FAAP20: variants seen among roughly 807,000 people sequenced by gnomAD.
FAAP20 encodes FA core complex associated protein 20.
Under a neutral mutation model 16.2 loss-of-function variants are expected in FAAP20, and 12 were observed. That is an observed-to-expected ratio of 0.74 (90% CI 0.48 to 1.20). FAAP20 has a LOEUF of 1.20. FAAP20 is among the 50% of genes most tolerant of loss of function. The probability of loss-of-function intolerance (pLI) is 0.00; values close to 1 mark genes in which losing one functional copy is unlikely to be tolerated. For missense variants in FAAP20, 288 were observed against 245.8 expected (o/e 1.17, Z -1.15); for synonymous variants, 141 against 110.7 (o/e 1.27, Z -1.72).
chr1:2,204,797 C>T (rs939172919), upstream of FAAP20, among the ~76,000 whole-genome samples: 7 of 152,174 alleles, frequency 4.6e-5, no homozygotes, highest in Non-Finnish European at 8.8e-5. Flanking sequence ...TGGTTTCCTC[C>T]CGCCGCCGGC....
chr1:2,190,039 A>G lies in FAAP20; in HGVS notation c.471-258T>C, dbSNP rs1316919183. 8.3e-6 allele frequency: 5 copies of G among 600,400 alleles called. No individual in the cohort carries two copies. In the Admixed American group the frequency reaches 9.3e-5, roughly 11 times the overall value. The allele number at this position is 600,400 out of a possible 1,614,324, so 37.2% of individuals were successfully genotyped here. A position where few individuals can be genotyped will look rare whatever the true frequency, so the allele number is the denominator to read the frequency against. ...CTGGGGGTGGGGAAGCTGTGTCTCA[A>G]CAAGCCTCTCTATGGGATTCTGGCG... On this transcript the variant is annotated intron_variant, in intron 3 of 3. Transcript: ENST00000378546.
chr1:2,190,864 C>T (rs564300389), intron 3 of FAAP20: 5 of 186,986 alleles, frequency 2.7e-5, no homozygotes, highest in African/African-American at 4.6e-5. Flanking sequence ...GACCAGTCCA[C>T]GGCGCGCCGT....
chr1:2,196,207 G>A (rs1236383246), upstream of FAAP20, among the ~76,000 whole-genome samples: 1 of 152,182 alleles, frequency 6.6e-6, no homozygotes, highest in Non-Finnish European at 1.5e-5. This position sits in a 1 kb window ranked among gnomAD's most constrained non-coding sequence, Gnocchi z 4.5. Flanking sequence ...TCCTGGAAAT[G>A]TCACCATGGT....
downstream of FAAP20, among the ~76,000 whole-genome samples, chr1:2,209,027 G>A (rs1689363387): frequency 6.6e-6 from 1 of 152,222 alleles, no homozygotes; most frequent in African/African-American, 2.4e-5. Flanking sequence ...ACCCTGGCCT[G>A]TCAAGAGCCT....
downstream of FAAP20, chr1:2,184,769 AGCTGGTGACCCAGC>A (rs1030018495): frequency 6.7e-7 from 1 of 1,482,704 alleles, no homozygotes; most frequent in African/African-American, 1.4e-5. Context: ...CACCTTGGGC[AGCTGGTGACCCAGC>A]CTGCCCTTGA....
intron 3 of FAAP20, chr1:2,190,788 G>A: frequency 3.9e-6 from 1 of 259,538 alleles, no homozygotes; most frequent in South Asian, 3.9e-5. Flanking sequence ...AAGTCCACAG[G>A]ACACGTGTCC....
chr1:2,188,515 A>T (rs755584602), downstream of FAAP20, among the ~76,000 whole-genome samples: 1 of 152,088 alleles, frequency 6.6e-6, no homozygotes, highest in Admixed American at 6.6e-5. Flanking sequence ...GGAGCAAGGG[A>T]ACTCCCCAGG....
At chr1:2,185,592 C>T, downstream of FAAP20, 1 of 695,720 alleles carries the variant, frequency 1.4e-6, no homozygotes, top group Non-Finnish European at 2.7e-6. Flanking sequence ...CAGAGTGTGT[C>T]CCAGCCGCTG....
rs1163719891 is a variant in FAAP20 at position 2,194,728 on chromosome 1, G to A, written c.22C>T (p.Arg8Trp). 3 of 1,189,960 alleles carry A rather than the reference G, an allele frequency of 2.5e-6. No homozygotes were observed. The highest frequency in any genetic ancestry group is 3.9e-5 in the South Asian group (1 of 25,542). 73.7% of individuals were successfully genotyped at this position (1,189,960 alleles called of 1,614,324 possible). The change falls in exon 1 of 4, where the codon CGG (arginine) becomes TGG (tryptophan). Residue 8 changes from arginine (R) to tryptophan (W), a missense_variant. Arg to Trp is a moderately radical substitution (Grantham distance 101). Transcript: ENST00000378546. ...GGCCTCCGGCGGCTCAACCCCAGCCGCGGCCTCCGCGCCGCCTCCATCCAA... is the reference window on the plus strand; with the variant it reads ...GGCCTCCGGCGGCTCAACCCCAGCCACGGCCTCCGCGCCGCCTCCATCCAA... MEAARRPRLGLSRRRPRP... is the reference protein window; with the variant it reads MEAARRPWLGLSRRRPRP...
Position 2,191,902 on chromosome 1 carries a change from A to G in FAAP20, c.470+1737T>C, listed in dbSNP as rs574115165. ...CTGAAAATGCACAAAATGTCCAAAT[A>G]GGACCACAAGAAGATCTTAAAGACA... On this transcript the variant is annotated intron_variant, in intron 3 of 3. Transcript: ENST00000378546. 96 of 985,498 alleles carry G rather than the reference A, an allele frequency of 9.7e-5. No homozygotes were observed. The African/African-American group carries it at 1.6e-3, about 17-fold the overall frequency. 61.0% of individuals were successfully genotyped at this position (985,498 alleles called of 1,614,324 possible).
chr1:2,184,598 G>T, downstream of FAAP20: 1 of 1,613,862 alleles, frequency 6.2e-7, no homozygotes, highest in Non-Finnish European at 8.5e-7. Flanking sequence ...GAAGAAGCAG[G>T]CGCTCCCTCC....
At chr1:2,184,718 G>A, downstream of FAAP20, 1 of 1,601,134 alleles carries the variant, frequency 6.2e-7, no homozygotes, top group Non-Finnish European at 8.5e-7. Context: ...ACTGGGTGCG[G>A]GTCCCTGGAG....
At chr1:2,211,741 G>T (rs148000599), downstream of FAAP20, among the ~76,000 whole-genome samples, 441 of 151,316 alleles carry the variant, frequency 2.9e-3, 6 homozygotes, top group African/African-American at 9.8e-3. Flanking sequence ...GAGCCACCGT[G>T]CCCGGCCAGT....
intron 3 of FAAP20, among the ~76,000 whole-genome samples, chr1:2,205,710 GGT>G (rs1363193474): frequency 1.3e-5 from 2 of 152,212 alleles, no homozygotes; most frequent in Admixed American, 1.3e-4. Flanking sequence ...GCGTTCTGCG[GGT>G]GCCCCCGCTG....
At chr1:2,187,842 T>C (rs1024446763), downstream of FAAP20, among the ~76,000 whole-genome samples, 1 of 152,276 alleles carries the variant, frequency 6.6e-6, no homozygotes, top group Non-Finnish European at 1.5e-5. Flanking sequence ...GACAGGCACG[T>C]GACAGTGTGG....
chr1:2,204,842 C>T (rs1038070289), upstream of FAAP20, among the ~76,000 whole-genome samples: 1 of 151,976 alleles, frequency 6.6e-6, no homozygotes, highest in Admixed American at 6.5e-5. Flanking sequence ...GCTCTCCAGC[C>T]TGGTTCCTCT....
downstream of FAAP20, chr1:2,189,477 CTG>C: frequency 1.7e-6 from 1 of 575,078 alleles, no homozygotes; most frequent in Non-Finnish European, 3.1e-6. Context: ...CCGCCTGGGG[CTG>C]TGTCTGGTTC....
At chr1:2,210,330 T>G (rs889680256), downstream of FAAP20, among the ~76,000 whole-genome samples, 22 of 152,228 alleles carry the variant, frequency 1.4e-4, no homozygotes, top group African/African-American at 5.1e-4. Flanking sequence ...GGTCCTCTTT[T>G]CCCATCCGGG....
chr1:2,189,864 T>G (rs868001995), intron 3 of FAAP20, 83 bp from the exon 4 acceptor site: 2 of 1,080,146 alleles, frequency 1.9e-6, no homozygotes, highest in African/African-American at 1.5e-5. Context: ...CCGGGCCCTC[T>G]CTGCTCCTGC....
Sources: allele counts gnomAD v4.1 joint callset (sites outside exome capture counted in the v4.1 genomes callset), GRCh38; gene constraint gnomAD v4.1.1; non-coding constraint Gnocchi (gnomAD v3.1); transcripts MANE v1.5; gene names NCBI Gene and HGNC (gene_info 2026-07-23, HGNC 2026-07-21).